Variants in SWAP70 observed in about 807,000 individuals in gnomAD.
SWAP70 encodes the protein switching B cell complex subunit SWAP70.
A neutral mutation model predicts 80.2 loss-of-function variants in SWAP70; 34 were observed. The ratio of observed to expected loss-of-function variants is 0.42; its 90% CI spans 0.32 to 0.56. The LOEUF is 0.56. Among genes scored for constraint, SWAP70 ranks in the 20% least tolerant of loss-of-function variants. SWAP70 has a pLI of 0.09. For missense variants in SWAP70, 578 were observed against 690.7 expected, an observed-to-expected ratio of 0.84 and a Z score of 1.83; for synonymous variants, 239 against 238.5, an observed-to-expected ratio of 1.00 and a Z score of -0.02.
intron 11 of SWAP70, 89 bp from the exon 12 acceptor site, chr11:9,749,775 A>T: frequency 1.3e-6 from 1 of 774,170 alleles, no homozygotes; most frequent in Non-Finnish European, 2.2e-6. Flanking sequence ...GAAATAAAGT[A>T]GGGAAGTTAC....
intron 3 of SWAP70, among the ~76,000 whole-genome samples, chr11:9,715,467 G>A (rs969513452): frequency 6.6e-6 from 1 of 152,102 alleles, no homozygotes; most frequent in African/African-American, 2.4e-5. Context: ...GAACACATCT[G>A]GTCCTGGACA....
At chr11:9,744,655 C>A (rs757078024) in intron 9 of SWAP70, among the ~76,000 whole-genome samples, 4 of 152,166 alleles carry the variant, frequency 2.6e-5, no homozygotes, top group Non-Finnish European at 4.4e-5. Flanking sequence ...ACGCTCTAAT[C>A]CCAGCACTTT....
intron 2 of SWAP70, among the ~76,000 whole-genome samples, chr11:9,696,498 A>G (rs887570106): frequency 2.6e-5 from 4 of 152,188 alleles, no homozygotes; most frequent in Admixed American, 2.6e-4. Flanking sequence ...GAAAACATAC[A>G]CACACATGCA....
At chr11:9,679,878 C>G (rs1295203973) in intron 1 of SWAP70, among the ~76,000 whole-genome samples, 3 of 152,032 alleles carry the variant, frequency 2.0e-5, no homozygotes, top group Admixed American at 6.6e-5. Context: ...ACCATGTTAG[C>G]CAGGATGGTC....
intron 3 of SWAP70, 103 bp from the exon 4 acceptor site, chr11:9,724,555 G>C (rs1851181330): frequency 4.8e-6 from 4 of 839,726 alleles, no homozygotes; most frequent in Non-Finnish European, 7.3e-6. Context: ...GAACTGTAAA[G>C]AGTATTTCCT....
At chr11:9,705,736 G>C (rs1245874312) in intron 2 of SWAP70, among the ~76,000 whole-genome samples, 1 of 140,320 alleles carries the variant, frequency 7.1e-6, no homozygotes, top group East Asian at 2.2e-4. Flanking sequence ...TACACTTGGT[G>C]ATCTGTATGC....
rs188224131 is a variant in SWAP70 at position 9,737,624 on chromosome 11, A to G, written c.1081-589A>G. Among the ~76,000 whole-genome samples the G allele has an allele frequency of 2.5e-3, 378 of 152,328 alleles. 1 individual carries two copies. The highest frequency in any genetic ancestry group is 8.7e-3 in the African/African-American group (362 of 41,566). On this transcript the variant is annotated intron_variant, in intron 7 of 11. Transcript: ENST00000318950. ...TCAAATCTCATGAATGTGGCTGGGC[A>G]TGGTGGCTTACACCTGTAATCCCAG...
intron 1 of SWAP70, among the ~76,000 whole-genome samples, chr11:9,689,768 A>G (rs1850673206): frequency 6.6e-6 from 1 of 152,184 alleles, no homozygotes; most frequent in Non-Finnish European, 1.5e-5. Context: ...GAGGGCTCCC[A>G]GAGAGAGAAC....
chr11:9,687,140 C>T (rs1398205644), intron 1 of SWAP70, among the ~76,000 whole-genome samples: 1 of 152,190 alleles, frequency 6.6e-6, no homozygotes, highest in African/African-American at 2.4e-5. Flanking sequence ...GCAAGCTACG[C>T]AATTCCGTGT....
At chr11:9,673,126 G>C (rs1238028291) in intron 1 of SWAP70, among the ~76,000 whole-genome samples, 2 of 152,164 alleles carry the variant, frequency 1.3e-5, no homozygotes, top group African/African-American at 4.8e-5. Flanking sequence ...CAGAGTGTCA[G>C]ATCGCACAGT....
intron 2 of SWAP70, 45 bp downstream of exon 2, chr11:9,694,331 A>G (rs566880398): frequency 9.1e-6 from 14 of 1,546,578 alleles, no homozygotes; most frequent in East Asian, 7.1e-5. Context: ...TTTGGTTTGC[A>G]TGTTTCAAGT....
chr11:9,730,467 G>T (rs762145895), intron 6 of SWAP70, among the ~76,000 whole-genome samples: 1 of 151,692 alleles, frequency 6.6e-6, no homozygotes, highest in African/African-American at 2.4e-5. Flanking sequence ...TGACTGAATA[G>T]TATTCCAAGG....
rs1045419653 is a variant in SWAP70 at position 9,675,366 on chromosome 11, A to C, written c.99+11088A>C. Among the ~76,000 whole-genome samples the C allele has an allele frequency of 1.3e-3, 42 of 31,674 alleles. 1 individual carries two copies. The highest frequency in any genetic ancestry group is 4.2e-3 in the African/African-American group (27 of 6,500). 20.8% of individuals were successfully genotyped at this position (31,674 alleles called of 152,430 possible). A position where few individuals can be genotyped will look rare whatever the true frequency, so the allele number is the denominator to read the frequency against. ...GGGAGCGAGAGAGAGAGAGAGAGAG[A>C]GAGAGAGAGAGAGAGAGAGAGAGAG... is the stretch of plus-strand genomic sequence containing the variant. On this transcript the variant is annotated intron_variant, in intron 1 of 11. Coordinates refer to ENST00000318950, the MANE Select transcript of SWAP70 (RefSeq NM_015055.4).
At chr11:9,716,389 G>A (rs1390237778) in intron 3 of SWAP70, among the ~76,000 whole-genome samples, 1 of 152,088 alleles carries the variant, frequency 6.6e-6, no homozygotes, top group African/African-American at 2.4e-5. Context: ...TTTCAGGCCT[G>A]GGCAACTGGG....
chr11:9,664,239 C>T lies in SWAP70; in HGVS notation c.60C>T (p.Asp20=). 1 of 1,594,878 alleles carries T rather than the reference C, an allele frequency of 6.3e-7. No individual in the cohort carries two copies. The highest frequency in any genetic ancestry group is 1.1e-5 in the South Asian group (1 of 87,654). Residue 20 remains aspartate (D), a synonymous_variant, in exon 1 of 12, where the codon GAC becomes GAT. Coordinates refer to ENST00000318950, the MANE Select transcript of SWAP70 (RefSeq NM_015055.4). ...KAIWHAFTAL[D]QDHSGKVSKS... ...TCTGGCACGCCTTCACCGCACTCGA[C>T]CAGGACCACAGCGGCAAGGTCTCCA...
At chr11:9,745,305 G>T (rs963197398) in intron 9 of SWAP70, among the ~76,000 whole-genome samples, 4 of 152,190 alleles carry the variant, frequency 2.6e-5, no homozygotes, top group Non-Finnish European at 5.9e-5. Flanking sequence ...GTAATGCCTA[G>T]CATTTGGGAG....
chr11:9,716,617 T>C (rs1851069511), intron 3 of SWAP70, among the ~76,000 whole-genome samples: 2 of 152,140 alleles, frequency 1.3e-5, no homozygotes, highest in African/African-American at 2.4e-5. Context: ...CCTGGACCCA[T>C]GGTAGCTGCT....
chr11:9,699,915 G>T lies in SWAP70; in HGVS notation c.240+5629G>T, dbSNP rs551687525. ...AGTCTCTAGATACAGACAGTAAATAGAATTGTGTCTGTTATTAAAATATTA... is the reference window on the plus strand; with the variant it reads ...AGTCTCTAGATACAGACAGTAAATATAATTGTGTCTGTTATTAAAATATTA... On this transcript the variant is annotated intron_variant, in intron 2 of 11. Transcript: ENST00000318950. Among the ~76,000 whole-genome samples the T allele has an allele frequency of 1.5e-4, 23 of 150,132 alleles. No individual in the cohort carries two copies. The East Asian group carries it at 4.5e-3, about 29-fold the overall frequency.
At chr11:9,694,062 G>T in intron 1 of SWAP70, 84 bp from the exon 2 acceptor site, 1 of 1,436,740 alleles carries the variant, frequency 7.0e-7, no homozygotes, top group Non-Finnish European at 9.2e-7. Context: ...CTACCCAGGA[G>T]AGGGAGCAGC....
Sources: gnomAD v4.1 joint callset for allele counts (sites outside exome capture counted in the v4.1 genomes callset) on GRCh38, gnomAD v4.1.1 for gene constraint, MANE v1.5 for transcripts, NCBI Gene and HGNC (gene_info 2026-07-23, HGNC 2026-07-21) for gene names.